CCDC148: variants seen among roughly 807,000 people sequenced by gnomAD.
The protein encoded by CCDC148 is coiled-coil domain-containing protein 148.
A neutral mutation model predicts 85.7 loss-of-function variants in CCDC148; 89 were observed. The ratio of observed to expected loss-of-function variants is 1.04; its 90% CI spans 0.87 to 1.24. The LOEUF (loss-of-function observed/expected upper bound fraction) is 1.24, where lower values mean the gene tolerates loss of function less well. Ranked by LOEUF, CCDC148 falls within the 50% of genes most tolerant of loss-of-function variation. CCDC148 has a pLI of 0.00. For missense variants in CCDC148, 692 were observed against 671.7 expected, an observed-to-expected ratio of 1.03 and a Z score of -0.33; for synonymous variants, 230 against 213.9, an observed-to-expected ratio of 1.08 and a Z score of -0.66.
In CCDC148 at chr2:158,231,061, C is replaced by T. The variant is rs532794097; in HGVS notation, c.1252-10348G>A. ...CCATAAGACCTCTAAGTTGGAGGGG[C>T]CAGACGAACATCTGAAGGCACAGAT... On this transcript the variant is annotated intron_variant, in intron 10 of 13. Transcript: ENST00000283233. Among the ~76,000 whole-genome samples, 8 of 152,190 alleles carry T rather than the reference C, an allele frequency of 5.3e-5. No homozygotes were observed. In the South Asian group the frequency reaches 1.2e-3, roughly 24 times the overall value.
intron 11 of CCDC148, among the ~76,000 whole-genome samples, chr2:158,210,038 C>T (rs912232042): frequency 2.0e-5 from 3 of 152,070 alleles, no homozygotes; most frequent in African/African-American, 4.8e-5. Context: ...AGAGTCACGA[C>T]CCATTGGTGT....
chr2:158,437,302 G>C (rs1687705306), intron 1 of CCDC148, among the ~76,000 whole-genome samples: 1 of 152,150 alleles, frequency 6.6e-6, no homozygotes, highest in South Asian at 2.1e-4. Flanking sequence ...CTTCATCCCT[G>C]GGATACAAGG....
chr2:158,379,994 C>T (rs923261674), intron 1 of CCDC148, among the ~76,000 whole-genome samples: 6 of 152,014 alleles, frequency 3.9e-5, no homozygotes, highest in African/African-American at 1.4e-4. Context: ...CACCATGTTG[C>T]CCAGGCTGGT....
At chr2:158,304,074 C>G (rs545568953) in intron 9 of CCDC148, among the ~76,000 whole-genome samples, 18 of 152,202 alleles carry the variant, frequency 1.2e-4, no homozygotes, top group African/African-American at 4.3e-4. Flanking sequence ...ATGGCTCACT[C>G]TTGGGTTAGA....
chr2:158,393,052 G>A (rs996313308), intron 1 of CCDC148, among the ~76,000 whole-genome samples: 27 of 149,940 alleles, frequency 1.8e-4, no homozygotes, highest in African/African-American at 5.2e-4. Flanking sequence ...GGTAGTTTTA[G>A]TTTAAAAAAA....
intron 1 of CCDC148, among the ~76,000 whole-genome samples, chr2:158,427,018 G>A (rs958134581): frequency 4.6e-5 from 7 of 152,260 alleles, no homozygotes; most frequent in Non-Finnish European, 1.0e-4. Flanking sequence ...AGTTGACCTT[G>A]AGATTGTCCT....
intron 9 of CCDC148, among the ~76,000 whole-genome samples, chr2:158,290,466 T>G (rs917996271): frequency 6.6e-6 from 1 of 152,192 alleles, no homozygotes; most frequent in African/African-American, 2.4e-5. Flanking sequence ...TGCTGTTCCT[T>G]GAATACATCA....
intron 9 of CCDC148, among the ~76,000 whole-genome samples, chr2:158,294,008 CCTTCCTTCCT>C (rs1559049784): frequency 0.026 from 280 of 10,790 alleles, 15 homozygotes; most frequent in Middle Eastern, 0.05. Context: ...CTCCCTCCTT[CCTTCCTTCCT>C]TCCTTCCTTC....
rs1691874026 is a variant in CCDC148, at chr2:158,309,609, G to A, written c.934C>T (p.Arg312Cys). 7.4e-6 allele frequency: 12 copies of A among 1,613,024 alleles called. No individual in the cohort carries two copies. Among genetic ancestry groups the A allele is most frequent in the South Asian group, 2.2e-5 (2 of 90,998 alleles). ...ATATTTTGCTGCTCTATAGCAAAGC[G>A]ATATTGGTCACAATATTTCTCGTGT... ...VEHEKYCDQY[R>C]FAIEQQNILI... is the part of the protein sequence containing the mutation. The change falls in exon 9 of 14, where the codon CGC becomes TGC. Residue 312 changes from arginine (R) to cysteine (C), a missense_variant. Transcript: ENST00000283233.
chr2:158,247,396 C>T (rs1275994030), intron 10 of CCDC148, among the ~76,000 whole-genome samples: 1 of 152,150 alleles, frequency 6.6e-6, no homozygotes, highest in East Asian at 1.9e-4. Flanking sequence ...GAATCTACAA[C>T]ACAGTTATTC....
chr2:158,275,796 T>A (rs760170571), intron 9 of CCDC148, among the ~76,000 whole-genome samples: 3 of 152,006 alleles, frequency 2.0e-5, no homozygotes, highest in African/African-American at 7.2e-5. Context: ...GTAGTCATGA[T>A]GACTCTGAAA....
chr2:158,441,731 T>A (rs1687940834), intron 1 of CCDC148, among the ~76,000 whole-genome samples: 1 of 152,182 alleles, frequency 6.6e-6, no homozygotes, highest in African/African-American at 2.4e-5. Context: ...CAATATTGTT[T>A]AGTATTATTT....
chr2:158,344,286 C>A (rs1682886173), intron 3 of CCDC148, among the ~76,000 whole-genome samples: 1 of 152,040 alleles, frequency 6.6e-6, no homozygotes, highest in African/African-American at 2.4e-5. Context: ...GTCCATATAA[C>A]TTTGTTTTTC....
chr2:158,433,171 G>T (rs2105334373), intron 1 of CCDC148, among the ~76,000 whole-genome samples: 1 of 143,180 alleles, frequency 7.0e-6, no homozygotes, highest in Middle Eastern at 3.7e-3. Flanking sequence ...GAGGCAGGAG[G>T]ATTGTTCAGG....
chr2:158,325,908 C>T (rs770596135), intron 7 of CCDC148, among the ~76,000 whole-genome samples: 1 of 152,078 alleles, frequency 6.6e-6, no homozygotes, highest in Non-Finnish European at 1.5e-5. Flanking sequence ...TCTAAGTGTC[C>T]AATATCTTCT....
chr2:158,222,442 T>C (rs1389726416), intron 10 of CCDC148, among the ~76,000 whole-genome samples: 1 of 152,070 alleles, frequency 6.6e-6, no homozygotes, highest in Non-Finnish European at 1.5e-5. Context: ...ATTGCTATAG[T>C]ATAAGTGTGC....
At chr2:158,309,385 A>G in intron 9 of CCDC148, 48 bp downstream of exon 9, 6 of 1,468,802 alleles carry the variant, frequency 4.1e-6, no homozygotes, top group Non-Finnish European at 5.6e-6. Context: ...GGAAAAATGG[A>G]TTCTTAAATA....
intron 10 of CCDC148, among the ~76,000 whole-genome samples, chr2:158,237,703 C>T (rs940567773): frequency 2.6e-5 from 4 of 152,106 alleles, no homozygotes; most frequent in African/African-American, 7.2e-5. Flanking sequence ...AAGTCCAGGC[C>T]AAAGGTATGA....
chr2:158,212,186 C>T (rs1471410237), intron 11 of CCDC148, among the ~76,000 whole-genome samples: 1 of 152,182 alleles, frequency 6.6e-6, no homozygotes, highest in Non-Finnish European at 1.5e-5. Context: ...TGGACTATAT[C>T]ATTTGGCACA....
Sources: gnomAD v4.1 joint callset for allele counts (sites outside exome capture counted in the v4.1 genomes callset) on GRCh38, gnomAD v4.1.1 for gene constraint, MANE v1.5 for transcripts, NCBI Gene and HGNC (gene_info 2026-07-23, HGNC 2026-07-21) for gene names.